Variants in ZNF93 observed in about 807,000 individuals in gnomAD.
ZNF93 encodes zinc finger protein 93.
ZNF93 carries 29 observed loss-of-function variants against 45.0 expected under a neutral mutation model. The observed-to-expected ratio is 0.64, with a 90% CI of 0.48 to 0.88. The LOEUF (loss-of-function observed/expected upper bound fraction) is 0.88, where lower values mean the gene tolerates loss of function less well. ZNF93 is among the 40% of genes least tolerant of loss of function. The pLI is 0.00. For missense variants in ZNF93, 578 were observed against 724.0 expected (o/e 0.80, Z 2.31); for synonymous variants, 223 against 244.6 (o/e 0.91, Z 0.82).
At chr19:19,909,098 G>A (rs2122165309) in intron 1 of ZNF93, 1 of 152,308 alleles carries the variant, frequency 6.6e-6, no homozygotes, top group South Asian at 2.1e-4. Context: ...TTGTGAAGGT[G>A]AAATTCTATC....
At chr19:19,907,217 A>C (rs2122162923) in intron 1 of ZNF93, among the ~76,000 whole-genome samples, 1 of 152,192 alleles carries the variant, frequency 6.6e-6, no homozygotes, top group South Asian at 2.1e-4. Context: ...TAGTCCTTCA[A>C]AGTAGACACA....
intron 3 of ZNF93, among the ~76,000 whole-genome samples, chr19:19,924,582 CTTTCTTTTTTTT>C (rs1040942843): frequency 5.5e-5 from 7 of 127,564 alleles, no homozygotes; most frequent in Non-Finnish European, 8.9e-5. Flanking sequence ...TTCTTTTTTT[CTTTCTTTTTTTT>C]TTTCTCTTTT....
intron 3 of ZNF93, among the ~76,000 whole-genome samples, chr19:19,917,539 G>A (rs2063328051): frequency 6.6e-6 from 1 of 151,690 alleles, no homozygotes; most frequent in East Asian, 1.9e-4. Context: ...TTAATTTTCT[G>A]TTTTGGTAAT....
intron 3 of ZNF93, among the ~76,000 whole-genome samples, chr19:19,929,997 T>C (rs1254559489): frequency 7.9e-6 from 1 of 127,300 alleles, no homozygotes; most frequent in Non-Finnish European, 1.7e-5. Flanking sequence ...GACAAAGAGA[T>C]AAAAGACAGC....
chr19:19,926,371 A>T, intron 3 of ZNF93: 1 of 150,612 alleles, frequency 6.6e-6, no homozygotes, highest in Non-Finnish European at 1.5e-5. Context: ...GAGCCACTGC[A>T]CCCAGCCTGA....
intron 2 of ZNF93, among the ~76,000 whole-genome samples, chr19:19,916,359 A>G (rs1599568953): frequency 6.6e-6 from 1 of 152,084 alleles, no homozygotes; most frequent in East Asian, 1.9e-4. Context: ...TGGCCTCCCA[A>G]ATTGCTGGGA....
chr19:19,915,201 ACT>A (rs1338762776), intron 1 of ZNF93, 77 bp from the exon 2 acceptor site: 6 of 1,608,008 alleles, frequency 3.7e-6, no homozygotes, highest in East Asian at 2.2e-5. Context: ...ACTTCTCTTT[ACT>A]CTCTCATTTC....
chr19:19,930,300 C>G (rs1425478723), intron 3 of ZNF93, among the ~76,000 whole-genome samples: 1 of 152,190 alleles, frequency 6.6e-6, no homozygotes, highest in African/African-American at 2.4e-5. Flanking sequence ...ATCTAAAAGG[C>G]AGAGCCAGGT....
intron 3 of ZNF93, among the ~76,000 whole-genome samples, chr19:19,918,663 A>G (rs562630851): frequency 6.6e-6 from 1 of 152,290 alleles, no homozygotes; most frequent in South Asian, 2.1e-4. Context: ...GTGAGATGGT[A>G]TCTCATTGTG....
chr19:19,923,293 C>T (rs1599571303), intron 3 of ZNF93, among the ~76,000 whole-genome samples: 1 of 152,134 alleles, frequency 6.6e-6, no homozygotes. Context: ...GATCATTCCT[C>T]TGGAAGTTTC....
chr19:19,901,031 G>C lies in ZNF93; in HGVS notation c.-58G>C. On this transcript the variant is annotated 5_prime_UTR_variant, in exon 1 of 4. Transcript: ENST00000343769. The stretch of plus-strand genomic sequence containing the variant: ...ACAGGCCCAGCCTCTGTGGCCCTGT[G>C]ACCTGCAGGTATTGGGAGATCCACA... 1 of 1,609,836 alleles carries C rather than the reference G, an allele frequency of 6.2e-7. No individual in the cohort carries two copies. Among genetic ancestry groups the C allele is most frequent in the Non-Finnish European group, 8.5e-7 (1 of 1,176,696 alleles).
At position 19,934,282 on chromosome 19, in the gene ZNF93, CATGAGAT is replaced by C; in HGVS notation, c.1328_1334del (p.His443ProfsTer169). 1 of 1,612,952 alleles carries C rather than the reference CATGAGAT, an allele frequency of 6.2e-7. No homozygotes were observed. The highest frequency in any genetic ancestry group is 8.5e-7 in the Non-Finnish European group (1 of 1,179,934). On this transcript the variant is annotated frameshift_variant, in exon 4 of 4. Transcript: ENST00000343769. LOFTEE classifies it high-confidence loss of function. ...TGTTGCATCCTCAACCCTTAGTAAACATGAGATCATTCATACTGGAAAGAAACCCTAC... is the reference window on the plus strand; with the variant it reads ...TGTTGCATCCTCAACCCTTAGTAAACCATTCATACTGGAAAGAAACCCTAC...
intron 1 of ZNF93, among the ~76,000 whole-genome samples, chr19:19,910,443 G>A (rs1194429032): frequency 1.3e-5 from 2 of 151,874 alleles, no homozygotes; most frequent in South Asian, 2.1e-4. Context: ...ATCAATAATC[G>A]ATGTTATTTC....
chr19:19,931,539 A>AT (rs929543721), intron 3 of ZNF93, among the ~76,000 whole-genome samples: 5 of 149,676 alleles, frequency 3.3e-5, no homozygotes, highest in Admixed American at 6.6e-5. Context: ...GCTTATTTGT[A>AT]TTTTTTGTAG....
rs1416306968 is a variant in ZNF93 at position 19,915,264 on chromosome 19, T to C, written c.4-16T>C. On this transcript the variant is annotated splice_polypyrimidine_tract_variant and intron_variant, in intron 1 of 3. Coordinates refer to ENST00000343769, the MANE Select transcript of ZNF93 (RefSeq NM_031218.4). ...CCCATGGCCACTTGGTGAAAATGTG[T>C]GTGTGTGTTTTTCAGGGACCATTGC... 3 of 1,613,526 alleles carry C rather than the reference T, an allele frequency of 1.9e-6. No individual in the cohort carries two copies. The highest frequency in any genetic ancestry group is 2.5e-6 in the Non-Finnish European group (3 of 1,179,650).
At chr19:19,908,351 T>G (rs2063298476) in intron 1 of ZNF93, 1 of 152,184 alleles carries the variant, frequency 6.6e-6, no homozygotes, top group South Asian at 2.1e-4. Flanking sequence ...GCAGCAGAGA[T>G]GGAAAAGAAA....
Position 19,915,375 on chromosome 19 carries a change from G to A in ZNF93, c.99G>A (p.Met33Ile). ...AGCGGAATCTATATAGGAATGTGAT[G>A]TTAGAGAACTACAGTAACCTGGTCT... The part of the protein sequence containing the change: ...TAQRNLYRNV[M>I]LENYSNLVFL... Residue 33 changes from methionine to isoleucine, a missense_variant, in exon 2 of 4, where the codon ATG becomes ATA. Transcript: ENST00000343769. The A allele has an allele frequency of 6.2e-7, 1 of 1,614,004 alleles. No homozygotes were observed. The highest frequency in any genetic ancestry group is 8.5e-7 in the Non-Finnish European group (1 of 1,179,950).
At chr19:19,916,723 A>G (rs370816571) in intron 3 of ZNF93, 68 bp downstream of exon 3, 4 of 1,154,094 alleles carry the variant, frequency 3.5e-6, no homozygotes, top group Non-Finnish European at 4.9e-6. Context: ...AGAGAAAGCC[A>G]GTCCTTAAAA....
At chr19:19,916,988 A>G (rs553478353) in intron 3 of ZNF93, among the ~76,000 whole-genome samples, 6 of 152,244 alleles carry the variant, frequency 3.9e-5, no homozygotes, top group South Asian at 2.1e-4. Flanking sequence ...AAATATTTGC[A>G]TGATTTTGAA....
Sources: allele counts gnomAD v4.1 joint callset (sites outside exome capture counted in the v4.1 genomes callset), GRCh38; gene constraint gnomAD v4.1.1; transcripts MANE v1.5; gene names NCBI Gene and HGNC (gene_info 2026-07-23, HGNC 2026-07-21).